Variants in PIH1D2 observed in about 807,000 individuals in gnomAD.
PIH1D2 encodes PIH1 domain-containing protein 2.
A neutral mutation model predicts 31.2 loss-of-function variants in PIH1D2; 25 were observed. The observed-to-expected ratio is 0.80, with a 90% CI of 0.58 to 1.12. The LOEUF is 1.12. Ranked by LOEUF, PIH1D2 falls within the 50% of genes most tolerant of loss-of-function variation. The pLI, the probability that PIH1D2 is intolerant of heterozygous loss-of-function variation, is 0.00. For synonymous variants in PIH1D2, 116 were observed against 119.9 expected (o/e 0.97, Z 0.21); for missense variants, 310 against 356.6 (o/e 0.87, Z 1.05).
rs148746308 is a variant in PIH1D2, at chr11:112,070,400, C to T, written c.813+36G>A. On this transcript the variant is annotated intron_variant, in intron 5 of 5. Transcript: ENST00000280350. ...CATAATATATGTTAGTGAATGCTGG[C>T]CAATACAAATTTACAGTGTTATCTA... The T allele has an allele frequency of 3.7e-5, 59 of 1,596,192 alleles. 1 individual carries two copies. In the Admixed American group the frequency reaches 9.7e-4, roughly 26 times the overall value.
chr11:112,067,714 T>TA, downstream of PIH1D2: 1 of 214,778 alleles, frequency 4.7e-6, no homozygotes, highest in Non-Finnish European at 8.2e-6. Context: ...ATATATATAT[T>TA]TGACATAACA....
chr11:112,070,298 G>T, intron 5 of PIH1D2, 138 bp downstream of exon 5: 1 of 1,014,248 alleles, frequency 9.9e-7, no homozygotes. Flanking sequence ...GCACATCTCA[G>T]AAGGGAATTG....
At chr11:112,066,590 A>G (rs375565824), downstream of PIH1D2, among the ~76,000 whole-genome samples, 23 of 150,734 alleles carry the variant, frequency 1.5e-4, no homozygotes, top group East Asian at 9.8e-4. Flanking sequence ...GTGAGCTGAG[A>G]TTGCGCCACT....
At chr11:112,059,350 ATTC>A (rs1555182939), downstream of PIH1D2, among the ~76,000 whole-genome samples, 2 of 138,444 alleles carry the variant, frequency 1.4e-5, no homozygotes, top group Admixed American at 7.4e-5. Flanking sequence ...CACATTTCTC[ATTC>A]TTTTTTTTTT....
At chr11:112,063,855 G>T, downstream of PIH1D2, 14 of 203,630 alleles carry the variant, frequency 6.9e-5, no homozygotes, top group Admixed American at 1.2e-4. Flanking sequence ...TTTAATAAAC[G>T]TTTGAAATTA....
intron 1 of PIH1D2, 76 bp downstream of exon 1, chr11:112,073,904 A>C (rs1227182332): frequency 6.5e-6 from 1 of 153,588 alleles, no homozygotes; most frequent in African/African-American, 2.4e-5. Context: ...CTAACGGATA[A>C]TCATTCCATA....
At chr11:112,069,905 T>A (rs1865055750) in intron 5 of PIH1D2, 1 of 161,672 alleles carries the variant, frequency 6.2e-6, no homozygotes, top group South Asian at 1.7e-4. Context: ...AGTACATAAC[T>A]TTTTTTACAT....
At chr11:112,062,872 A>G (rs1409913045), downstream of PIH1D2, 1 of 282,308 alleles carries the variant, frequency 3.5e-6, no homozygotes, top group Non-Finnish European at 6.9e-6. Context: ...AAGTACATAA[A>G]GGTGACCCTG....
At chr11:112,068,508 T>G (rs1555184121) in intron 5 of PIH1D2, among the ~76,000 whole-genome samples, 1 of 152,052 alleles carries the variant, frequency 6.6e-6, no homozygotes, top group African/African-American at 2.4e-5. Flanking sequence ...ATTGGCTGAG[T>G]GCGGTGGCTC....
downstream of PIH1D2, among the ~76,000 whole-genome samples, chr11:112,061,921 T>C (rs897607917): frequency 3.9e-5 from 6 of 152,174 alleles, no homozygotes; most frequent in Non-Finnish European, 8.8e-5. Flanking sequence ...GCATGCTATA[T>C]TGTATCTTCA....
At chr11:112,065,906 C>T (rs1046839564), downstream of PIH1D2, among the ~76,000 whole-genome samples, 7 of 151,052 alleles carry the variant, frequency 4.6e-5, no homozygotes, top group Non-Finnish European at 1.0e-4. Context: ...ACTTGAACCT[C>T]GGGATGGGGC....
downstream of PIH1D2, chr11:112,067,765 A>C (rs1433567388): frequency 1.6e-6 from 2 of 1,282,348 alleles, no homozygotes; most frequent in Non-Finnish European, 2.1e-6. Flanking sequence ...TTAGAAAATA[A>C]TGGAATTGGT....
chr11:112,063,173 T>TA (rs1555183495), downstream of PIH1D2: 1 of 152,424 alleles, frequency 6.6e-6, no homozygotes, highest in Non-Finnish European at 1.5e-5. Context: ...TATTCCCCCC[T>TA]ACTTGAGATA....
chr11:112,057,399 C>G, the PIH1D2 span, among the ~76,000 whole-genome samples: 2 of 152,154 alleles, frequency 1.3e-5, no homozygotes, highest in East Asian at 1.9e-4. Context: ...AAGCCAAGAT[C>G]GGTTGAAAGC....
rs1421054201 is a variant in PIH1D2, at chr11:112,073,262, C to G, written c.-31-57G>C. 9 of 1,271,850 alleles carry G rather than the reference C, an allele frequency of 7.1e-6. No individual in the cohort carries two copies. The African/African-American group carries it at 1.3e-4, about 19-fold the overall frequency. The allele number at this position is 1,271,850 out of a possible 1,614,324, so 78.8% of individuals were successfully genotyped here. A position where few individuals can be genotyped will look rare whatever the true frequency, so the allele number is the denominator to read the frequency against. ...TGTCTGTGTAATTATTGATTCATTT[C>G]TGCTTTGGGGAGGTGGAATGGGTCA... On this transcript the variant is annotated intron_variant, in intron 1 of 5. Transcript: ENST00000280350.
At chr11:112,061,416 T>C (rs1555183273), downstream of PIH1D2, 3 of 481,218 alleles carry the variant, frequency 6.2e-6, no homozygotes, top group African/African-American at 3.9e-5. Context: ...ATGGATCCAG[T>C]GTAGTGCCCG....
chr11:112,063,863 T>G (rs587646798), downstream of PIH1D2: 11 of 240,218 alleles, frequency 4.6e-5, no homozygotes, highest in African/African-American at 1.8e-4. Flanking sequence ...ACGTTTGAAA[T>G]TATTTATGAC....
chr11:112,072,627 G>T (rs1357287217), intron 2 of PIH1D2: 1 of 152,934 alleles, frequency 6.5e-6, no homozygotes. Flanking sequence ...ACTTTGGGAG[G>T]CTGAGTCAGG....
At chr11:112,062,529 G>C, downstream of PIH1D2, 1 of 1,612,300 alleles carries the variant, frequency 6.2e-7, no homozygotes, top group Non-Finnish European at 8.5e-7. Flanking sequence ...TCACTATGTT[G>C]TTGTAACTAA....
Sources: gnomAD v4.1 joint callset for allele counts (sites outside exome capture counted in the v4.1 genomes callset) on GRCh38, gnomAD v4.1.1 for gene constraint, MANE v1.5 for transcripts, NCBI Gene and HGNC (gene_info 2026-07-23, HGNC 2026-07-21) for gene names.